CHRM5: variants seen among roughly 807,000 people sequenced by gnomAD.
The protein encoded by CHRM5 is muscarinic acetylcholine receptor M5.
In CHRM5, 18 loss-of-function variants were observed where a neutral mutation model predicts 39.0. That is an observed-to-expected ratio of 0.46 (90% confidence interval 0.32 to 0.68). The LOEUF (loss-of-function observed/expected upper bound fraction) is 0.68. Ranked by LOEUF, CHRM5 falls within the 30% of genes least tolerant of loss-of-function variation. CHRM5 has a pLI of 0.04. For missense variants in CHRM5, 515 were observed against 651.1 expected, an observed-to-expected ratio of 0.79 and a Z score of 2.28; for synonymous variants, 241 against 246.3, an observed-to-expected ratio of 0.98 and a Z score of 0.20.
intron 1 of CHRM5, among the ~76,000 whole-genome samples, chr15:33,988,623 A>T (rs1896584057): frequency 6.6e-6 from 1 of 152,172 alleles, no homozygotes; most frequent in Non-Finnish European, 1.5e-5. Flanking sequence ...GGGCTCATTT[A>T]CACACACACG....
chr15:34,008,887 A>G (rs933545750), intron 1 of CHRM5, among the ~76,000 whole-genome samples: 14 of 151,876 alleles, frequency 9.2e-5, no homozygotes, highest in Admixed American at 2.0e-4. Flanking sequence ...GCCAAAAACA[A>G]GGATTCTGCA....
intron 1 of CHRM5, among the ~76,000 whole-genome samples, chr15:34,033,825 G>C (rs1898978433): frequency 1.3e-5 from 2 of 152,120 alleles, no homozygotes. Context: ...GTCTCATTCT[G>C]TCTCCAGGGT....
chr15:34,029,516 A>C (rs1304392391), intron 1 of CHRM5, among the ~76,000 whole-genome samples: 1 of 23,812 alleles, frequency 4.2e-5, no homozygotes, highest in African/African-American at 6.9e-5. Context: ...CCCTATTTCT[A>C]CAAAAAAAAA....
intron 1 of CHRM5, among the ~76,000 whole-genome samples, chr15:34,009,194 A>G (rs1897525553): frequency 1.3e-5 from 2 of 152,220 alleles, no homozygotes; most frequent in Admixed American, 6.5e-5. Context: ...TGAAAAAAAG[A>G]CATTCCCAGA....
At chr15:34,024,733 C>T (rs1163294939) in intron 1 of CHRM5, among the ~76,000 whole-genome samples, 19 of 150,294 alleles carry the variant, frequency 1.3e-4, no homozygotes, top group South Asian at 2.1e-4. Flanking sequence ...TGGTGGCACA[C>T]GCCTGTAATC....
intron 1 of CHRM5, among the ~76,000 whole-genome samples, chr15:33,986,344 C>T (rs1452967408): frequency 2.0e-5 from 3 of 152,078 alleles, no homozygotes; most frequent in East Asian, 3.9e-4. Context: ...CTCCTGACCT[C>T]GTGATCCACC....
chr15:34,062,570 A>AC (rs1900373951), intron 2 of CHRM5, 73 bp from the exon 3 acceptor site: 15 of 691,470 alleles, frequency 2.2e-5, no homozygotes, highest in Admixed American at 3.5e-5. Flanking sequence ...AAAAAAAAAA[A>AC]AAAACTATAA....
At chr15:34,001,213 G>A (rs1451597416) in intron 1 of CHRM5, among the ~76,000 whole-genome samples, 2 of 151,852 alleles carry the variant, frequency 1.3e-5, no homozygotes, top group African/African-American at 4.8e-5. Flanking sequence ...GTAGAAACGG[G>A]GTTTCACTAT....
chr15:34,055,756 A>C (rs972851292), intron 2 of CHRM5, among the ~76,000 whole-genome samples: 1 of 152,074 alleles, frequency 6.6e-6, no homozygotes, highest in African/African-American at 2.4e-5. Context: ...AGCCGAGATC[A>C]CACCACTGCA....
chr15:34,039,163 G>T, intron 1 of CHRM5: 1 of 881,692 alleles, frequency 1.1e-6, no homozygotes, highest in Non-Finnish European at 1.4e-6. Context: ...CGGTAGCAGC[G>T]AGGCGCGGGG....
chr15:34,028,064 A>C (rs1385888321), intron 1 of CHRM5, among the ~76,000 whole-genome samples: 3 of 152,178 alleles, frequency 2.0e-5, no homozygotes, highest in Non-Finnish European at 4.4e-5. Flanking sequence ...TTCCTAGCAG[A>C]GCACTGAAAG....
rs867128838 is a variant in CHRM5, at chr15:34,020,297, C to G, written c.-407-26243C>G. ...CTGCACTCTAGCCTGGGTGACCGAG[C>G]GAGACTCCATCTCAAAAAAAAAAGA... is the stretch of plus-strand genomic sequence containing the variant. On this transcript the variant is annotated intron_variant, in intron 1 of 2. Transcript: ENST00000383263. Among the ~76,000 whole-genome samples, 6 of 145,346 alleles carry G rather than the reference C, an allele frequency of 4.1e-5. No individual in the cohort carries two copies. In the South Asian group the frequency reaches 1.3e-3, roughly 33 times the overall value.
At chr15:34,018,669 G>A (rs1443264167) in intron 1 of CHRM5, among the ~76,000 whole-genome samples, 5 of 152,210 alleles carry the variant, frequency 3.3e-5, no homozygotes, top group African/African-American at 9.7e-5. Flanking sequence ...AGAATGGAAA[G>A]GGACTCCAGT....
intron 1 of CHRM5, among the ~76,000 whole-genome samples, chr15:33,969,476 T>C (rs1468554515): frequency 6.6e-6 from 1 of 151,814 alleles, no homozygotes; most frequent in African/African-American, 2.4e-5. Context: ...CATTCACAGA[T>C]AATGTTTACC....
In CHRM5 at chr15:34,064,035, G is replaced by A; in HGVS notation, c.1318G>A (p.Ala440Thr). The A allele has an allele frequency of 6.2e-7, 1 of 1,614,154 alleles. No individual in the cohort carries two copies. The highest frequency in any genetic ancestry group is 2.2e-5 in the East Asian group (1 of 44,876). ...KRVVLVKERK[A>T]AQTLSAILLA... ...AGTGGTCCTAGTCAAAGAGAGGAAA[G>A]CAGCCCAGACACTGAGTGCCATTCT... Residue 440 changes from alanine to threonine, a missense_variant, in exon 3 of 3, where the codon GCA (alanine) becomes ACA (threonine). Ala to Thr is a moderately conservative substitution (Grantham distance 58, BLOSUM62 0). Coordinates refer to ENST00000383263, the MANE Select transcript of CHRM5 (RefSeq NM_012125.4).
intron 1 of CHRM5, among the ~76,000 whole-genome samples, chr15:33,979,056 G>A (rs974780943): frequency 2.0e-5 from 3 of 152,124 alleles, no homozygotes; most frequent in African/African-American, 7.2e-5. Context: ...TGACATACTT[G>A]AGAATATTCC....
intron 1 of CHRM5, among the ~76,000 whole-genome samples, chr15:34,032,879 A>T (rs1440757002): frequency 2.6e-5 from 4 of 152,222 alleles, no homozygotes; most frequent in Admixed American, 6.5e-5. Context: ...CAAATCAGGT[A>T]GTTCCAATTA....
intron 1 of CHRM5, among the ~76,000 whole-genome samples, chr15:34,031,260 C>T (rs142579591): frequency 2.7e-3 from 394 of 147,634 alleles, no homozygotes; most frequent in Non-Finnish European, 4.1e-3. Flanking sequence ...CTGCAACCTC[C>T]GCCTCCCGGG....
At chr15:33,973,830 A>G (rs917196635) in intron 1 of CHRM5, among the ~76,000 whole-genome samples, 3 of 152,244 alleles carry the variant, frequency 2.0e-5, no homozygotes, top group Non-Finnish European at 4.4e-5. Context: ...CTAGTTAATC[A>G]GCAGATGTGT....
Sources: gnomAD v4.1 joint callset for allele counts (sites outside exome capture counted in the v4.1 genomes callset) on GRCh38, gnomAD v4.1.1 for gene constraint, MANE v1.5 for transcripts, NCBI Gene and HGNC (gene_info 2026-07-23, HGNC 2026-07-21) for gene names.